RICTOR: variants seen among roughly 807,000 people sequenced by gnomAD.
RICTOR encodes the protein rapamycin-insensitive companion of mTOR.
RICTOR carries 49 observed loss-of-function variants against 214.9 expected under a neutral mutation model. That is an observed-to-expected ratio of 0.23 (90% CI 0.18 to 0.29). The LOEUF is 0.29. Among genes scored for constraint, RICTOR ranks in the 10% least tolerant of loss-of-function variants. The pLI, the probability that RICTOR is intolerant of heterozygous loss-of-function variation, is 1.00. For missense variants in RICTOR, 1,625 were observed against 2,047.0 expected, an observed-to-expected ratio of 0.79 and a Z score of 3.98; for synonymous variants, 717 against 711.3, an observed-to-expected ratio of 1.01 and a Z score of -0.13.
Position 38,938,469 on chromosome 5 carries a change from T to C in RICTOR, c.*3835A>G, listed in dbSNP as rs962213801. 4.0e-4 allele frequency: 92 copies of C among 232,184 alleles called. 1 individual carries two copies. The highest frequency in any genetic ancestry group is 1.9e-3 in the African/African-American group (86 of 45,402). 14.4% of individuals were successfully genotyped at this position (232,184 alleles called of 1,614,324 possible). Reference sequence around the variant, plus strand: ...AACCAAGTAGCAAAATTGAAAGGTATGCTTTTTTTGGCATAAATTATATTT... The same window carrying C: ...AACCAAGTAGCAAAATTGAAAGGTACGCTTTTTTTGGCATAAATTATATTT... On this transcript the variant is annotated 3_prime_UTR_variant, in exon 38 of 38. Coordinates refer to ENST00000357387, the MANE Select transcript of RICTOR (RefSeq NM_152756.5).
At position 38,978,566 on chromosome 5, in the gene RICTOR, G is replaced by T; in HGVS notation, c.821+17C>A. The T allele has an allele frequency of 7.1e-7, 1 of 1,403,848 alleles. No homozygotes were observed. Among genetic ancestry groups the T allele is most frequent in the Non-Finnish European group, 1.0e-6 (1 of 1,003,174 alleles). The allele number at this position is 1,403,848 out of a possible 1,614,324, so 87.0% of individuals were successfully genotyped here. ...TATACATTATCTTAAAAATTATTAG[G>T]AACCAATGTTACTTACTTGAGCTGT... On this transcript the variant is annotated intron_variant, in intron 9 of 37. Coordinates refer to ENST00000357387, the MANE Select transcript of RICTOR (RefSeq NM_152756.5).
At chr5:39,021,297 G>A (rs578126653) in intron 2 of RICTOR, among the ~76,000 whole-genome samples, 161 bp from the exon 3 acceptor site, 1 of 152,098 alleles carries the variant, frequency 6.6e-6, no homozygotes, top group Non-Finnish European at 1.5e-5. Context: ...AGTCTGTGAC[G>A]AATCCAATTA....
intron 11 of RICTOR, among the ~76,000 whole-genome samples, chr5:38,969,054 C>T (rs1469133980): frequency 6.7e-6 from 1 of 150,350 alleles, no homozygotes; most frequent in Non-Finnish European, 1.5e-5. Flanking sequence ...ACTGTAACCT[C>T]CACCTCCCGG....
intron 2 of RICTOR, among the ~76,000 whole-genome samples, chr5:39,060,507 G>C (rs545573434): frequency 2.6e-5 from 4 of 152,018 alleles, no homozygotes; most frequent in African/African-American, 9.6e-5. Context: ...AGAGCGGTGA[G>C]GTATTACAGA....
At chr5:39,023,507 C>T (rs80347570) in intron 2 of RICTOR, among the ~76,000 whole-genome samples, 6,803 of 152,252 alleles carry the variant, frequency 0.045, 249 homozygotes, top group Middle Eastern at 0.068. Context: ...TTGCCACCTC[C>T]GGAATAGAGT....
At chr5:38,945,300 C>T in intron 34 of RICTOR, 191 bp downstream of exon 34, 2 of 612,502 alleles carry the variant, frequency 3.3e-6, no homozygotes, top group Non-Finnish European at 5.7e-6. Flanking sequence ...ATCTGTCAGA[C>T]TCAGGCCCCA....
intron 25 of RICTOR, among the ~76,000 whole-genome samples, chr5:38,956,521 C>T (rs560448254): frequency 1.3e-5 from 2 of 152,034 alleles, no homozygotes; most frequent in Non-Finnish European, 1.5e-5. Context: ...TATTCTGCTC[C>T]TTCTTCCGTG....
At chr5:38,993,964 C>T (rs562984273) in intron 6 of RICTOR, among the ~76,000 whole-genome samples, 52 of 152,230 alleles carry the variant, frequency 3.4e-4, no homozygotes, top group African/African-American at 8.7e-4. Flanking sequence ...GGGCAGATCA[C>T]GAACTCAGGA....
intron 2 of RICTOR, among the ~76,000 whole-genome samples, chr5:39,061,245 T>TTTTTATC (rs1758522454): frequency 7.7e-6 from 1 of 129,582 alleles, no homozygotes. Flanking sequence ...TACTTTTTAT[T>TTTTTATC]TGCAAACACT....
chr5:39,010,270 T>G (rs1754401784), intron 3 of RICTOR, among the ~76,000 whole-genome samples: 1 of 152,230 alleles, frequency 6.6e-6, no homozygotes, highest in Admixed American at 6.5e-5. Context: ...ATGTGTTTGA[T>G]TCCCCTTCCG....
chr5:39,000,812 TC>T (rs775306465), intron 5 of RICTOR, among the ~76,000 whole-genome samples: 4 of 151,796 alleles, frequency 2.6e-5, no homozygotes, highest in Non-Finnish European at 5.9e-5. Flanking sequence ...GGTCAATATC[TC>T]CCCCCAATTT....
intron 11 of RICTOR, 111 bp downstream of exon 11, chr5:38,971,766 T>C (rs953752743): frequency 4.8e-6 from 3 of 630,846 alleles, no homozygotes; most frequent in African/African-American, 3.8e-5. Context: ...AAATATGATC[T>C]AGATTAACAA....
intron 2 of RICTOR, among the ~76,000 whole-genome samples, chr5:39,036,555 C>T (rs1048794432): frequency 4.6e-5 from 7 of 152,158 alleles, no homozygotes; most frequent in Non-Finnish European, 1.0e-4. Flanking sequence ...CATCAGTGTG[C>T]TGTATTCAGG....
rs1424680300 is a variant in RICTOR at position 38,940,101 on chromosome 5, GTA to G, written c.*2201_*2202del. 1.5e-5 allele frequency: 3 copies of G among 203,348 alleles called. No homozygotes were observed. The highest frequency in any genetic ancestry group is 7.5e-5 in the African/African-American group (3 of 39,964). 12.6% of individuals were successfully genotyped at this position (203,348 alleles called of 1,614,324 possible). ...AAGTGATATAGGCAGATATGATAAG[GTA>G]TACATACATATTTTTCAAAGTAACA... On this transcript the variant is annotated 3_prime_UTR_variant, in exon 38 of 38. Transcript: ENST00000357387.
chr5:39,015,718 C>A (rs531610387), intron 3 of RICTOR, among the ~76,000 whole-genome samples: 3 of 152,004 alleles, frequency 2.0e-5, no homozygotes, highest in East Asian at 1.9e-4. Flanking sequence ...TAAGCAGACT[C>A]ACCATCTTAC....
intron 3 of RICTOR, among the ~76,000 whole-genome samples, chr5:39,017,298 T>C (rs911710524): frequency 3.3e-5 from 5 of 152,188 alleles, no homozygotes; most frequent in African/African-American, 1.2e-4. Flanking sequence ...AAGTGAGGCT[T>C]ATTTGAATTG....
chr5:38,975,434 C>T, intron 10 of RICTOR, 103 bp downstream of exon 10: 1 of 770,274 alleles, frequency 1.3e-6, no homozygotes, highest in Non-Finnish European at 2.2e-6. Context: ...CAAAGTAAGA[C>T]TAGATTAGCA....
At chr5:38,997,630 T>C (rs772399113) in intron 5 of RICTOR, among the ~76,000 whole-genome samples, 19 of 151,836 alleles carry the variant, frequency 1.3e-4, no homozygotes, top group Non-Finnish European at 2.6e-4. Context: ...CTGACTGTCT[T>C]CCCAAAAACA....
At chr5:38,945,918 G>A (rs1472725129) in intron 33 of RICTOR, among the ~76,000 whole-genome samples, 194 bp from the exon 34 acceptor site, 1 of 152,080 alleles carries the variant, frequency 6.6e-6, no homozygotes, top group East Asian at 1.9e-4. Flanking sequence ...TTAATATATA[G>A]TGTTTTAAAT....
Sources: allele counts gnomAD v4.1 joint callset (sites outside exome capture counted in the v4.1 genomes callset), GRCh38; gene constraint gnomAD v4.1.1; transcripts MANE v1.5; gene names NCBI Gene and HGNC (gene_info 2026-07-23, HGNC 2026-07-21).